MAPK4: variants seen among roughly 807,000 people sequenced by gnomAD.
MAPK4 encodes Erk3-related.
A neutral mutation model predicts 47.7 loss-of-function variants in MAPK4; 22 were observed. The ratio of observed to expected loss-of-function variants is 0.46; its 90% CI spans 0.33 to 0.66. The LOEUF (loss-of-function observed/expected upper bound fraction) is 0.66. Among genes scored for constraint, MAPK4 ranks in the 30% least tolerant of loss-of-function variants. MAPK4 has a pLI of 0.02. For synonymous variants in MAPK4, 390 were observed against 365.7 expected (o/e 1.07, Z -0.76); for missense variants, 736 against 831.7 (o/e 0.88, Z 1.42).
At chr18:50,676,451 A>G (rs1408037121) in intron 2 of MAPK4, among the ~76,000 whole-genome samples, 1 of 152,182 alleles carries the variant, frequency 6.6e-6, no homozygotes, top group African/African-American at 2.4e-5. Context: ...AAATTTTTTC[A>G]TTGTCCACAA....
At chr18:50,601,249 G>A (rs571471963) in intron 1 of MAPK4, among the ~76,000 whole-genome samples, 2 of 149,184 alleles carry the variant, frequency 1.3e-5, no homozygotes, top group Admixed American at 6.8e-5. Context: ...TGGGAAGATC[G>A]CTGGAGCCTG....
intron 2 of MAPK4, among the ~76,000 whole-genome samples, chr18:50,699,274 C>T (rs1041769091): frequency 1.1e-4 from 16 of 152,122 alleles, no homozygotes; most frequent in Non-Finnish European, 2.2e-4. Context: ...TACCAAAAAC[C>T]TTCTGCCGTA....
chr18:50,705,356 C>T (rs1202928517), intron 2 of MAPK4: 2 of 152,298 alleles, frequency 1.3e-5, no homozygotes, highest in African/African-American at 4.8e-5. Context: ...TCGCTGCCTC[C>T]CCTGCTATAG....
intron 2 of MAPK4, among the ~76,000 whole-genome samples, chr18:50,688,621 T>C (rs1909019608): frequency 1.3e-5 from 2 of 152,078 alleles, no homozygotes; most frequent in South Asian, 4.2e-4. Context: ...TTATTCTAAG[T>C]GAAGTAACTC....
intron 2 of MAPK4, among the ~76,000 whole-genome samples, chr18:50,673,487 T>A (rs986003022): frequency 1.3e-5 from 2 of 152,256 alleles, no homozygotes; most frequent in Non-Finnish European, 2.9e-5. Context: ...GCAGGCTTGC[T>A]GGTGACAAAT....
In MAPK4 at chr18:50,702,668, C is replaced by T. The variant is rs532589839; in HGVS notation, c.547-12411C>T. On this transcript the variant is annotated intron_variant, in intron 2 of 5. Coordinates refer to ENST00000400384, the MANE Select transcript of MAPK4 (RefSeq NM_002747.4). ...CTCCCCAAACCAAGATCCACCCTGG[C>T]CCCTTTTCTGTTTCCTTCTTCATAC... 5.9e-4 allele frequency among the ~76,000 whole-genome samples: 90 copies of T among 152,240 alleles called. 1 individual carries two copies. Among genetic ancestry groups the T allele is most frequent in the African/African-American group, 2.0e-3 (83 of 41,550 alleles).
intron 1 of MAPK4, among the ~76,000 whole-genome samples, chr18:50,598,345 A>G (rs992595): frequency 0.41 from 61,916 of 151,174 alleles, 13,558 homozygotes; most frequent in Middle Eastern, 0.49. Context: ...TTCACTAACC[A>G]ACACTACTGG....
At chr18:50,596,042 A>T (rs1222547767) in intron 1 of MAPK4, among the ~76,000 whole-genome samples, 1 of 152,188 alleles carries the variant, frequency 6.6e-6, no homozygotes, top group African/African-American at 2.4e-5. Flanking sequence ...GAAAGGAGTA[A>T]TGCTGTAAAT....
upstream of MAPK4, chr18:50,559,954 G>A (rs1416220228): frequency 3.3e-5 from 5 of 150,388 alleles, no homozygotes; most frequent in Admixed American, 6.6e-5. Context: ...TGCCGCCCCC[G>A]GGCGCCCAGG....
At chr18:50,600,180 G>A (rs1344898646) in intron 1 of MAPK4, among the ~76,000 whole-genome samples, 1 of 152,140 alleles carries the variant, frequency 6.6e-6, no homozygotes, top group Admixed American at 6.5e-5. Flanking sequence ...GAGAACAGTC[G>A]GCGACTTCCA....
intron 1 of MAPK4, among the ~76,000 whole-genome samples, chr18:50,654,184 A>G (rs1360469583): frequency 1.3e-5 from 2 of 152,360 alleles, no homozygotes; most frequent in African/African-American, 2.4e-5. Context: ...CCCTGCAGGT[A>G]GAAAGTAAGT....
At position 50,726,120 on chromosome 18, in the gene MAPK4, G is replaced by C. The variant is rs1023559689; in HGVS notation, c.1012G>C (p.Val338Leu). ...CATTGAGGATGAGATCGACGACATC[G>C]TGCTGATGGCCGCTAACCAGAGCCA... is the stretch of plus-strand genomic sequence containing the variant. ...FRIEDEIDDIVLMAANQSQLS... is the reference protein window; with the variant it reads ...FRIEDEIDDILLMAANQSQLS... The change falls in exon 5 of 6, where the codon GTG (valine) becomes CTG (leucine). Residue 338 changes from valine (V) to leucine (L), a missense_variant. By Grantham distance (32) the Val-to-Leu change is conservative. This residue lies in a region of MAPK4 where 377 missense variants were observed against 378.6 expected (regional missense o/e 1.00). Coordinates refer to ENST00000400384, the MANE Select transcript of MAPK4 (RefSeq NM_002747.4). 2 of 1,614,090 alleles carry C rather than the reference G, an allele frequency of 1.2e-6. No homozygotes were observed. The highest frequency in any genetic ancestry group is 2.2e-5 in the South Asian group (2 of 91,076).
intron 1 of MAPK4, among the ~76,000 whole-genome samples, chr18:50,579,430 C>T (rs760275256): frequency 3.3e-5 from 5 of 152,156 alleles, no homozygotes; most frequent in Non-Finnish European, 7.3e-5. Context: ...TCAAGGGCAA[C>T]TTTGAAGCAG....
intron 1 of MAPK4, among the ~76,000 whole-genome samples, chr18:50,639,864 A>G (rs554069519): frequency 8.5e-5 from 13 of 152,356 alleles, no homozygotes; most frequent in African/African-American, 3.1e-4. Flanking sequence ...TGGGACAGGC[A>G]TCTATCTTGA....
intron 1 of MAPK4, among the ~76,000 whole-genome samples, chr18:50,571,124 A>AG (rs1216704125): frequency 6.6e-6 from 1 of 152,168 alleles, no homozygotes; most frequent in African/African-American, 2.4e-5. Flanking sequence ...GCCCTGTCTT[A>AG]GGGGGAGGTA....
At chr18:50,680,318 C>T (rs1295798895) in intron 2 of MAPK4, among the ~76,000 whole-genome samples, 1 of 151,944 alleles carries the variant, frequency 6.6e-6, no homozygotes, top group African/African-American at 2.4e-5. Context: ...TCTTGAACTC[C>T]TGACCTCAGG....
At chr18:50,649,930 G>A (rs1001312729) in intron 1 of MAPK4, among the ~76,000 whole-genome samples, 11 of 152,210 alleles carry the variant, frequency 7.2e-5, no homozygotes, top group South Asian at 4.1e-4. Flanking sequence ...GCTTTAGTGC[G>A]TCACCATCCA....
chr18:50,583,245 G>A (rs1336313380), intron 1 of MAPK4, among the ~76,000 whole-genome samples: 2 of 152,166 alleles, frequency 1.3e-5, no homozygotes, highest in African/African-American at 2.4e-5. Context: ...TGGTCCATGG[G>A]TGGTCTTTGG....
At chr18:50,624,441 G>A (rs1217677653) in intron 1 of MAPK4, among the ~76,000 whole-genome samples, 1 of 151,232 alleles carries the variant, frequency 6.6e-6, no homozygotes, top group African/African-American at 2.5e-5. Context: ...TGGCGATGCT[G>A]TGGAGCTATT....
Sources: gnomAD v4.1 joint callset for allele counts (sites outside exome capture counted in the v4.1 genomes callset) on GRCh38, gnomAD v4.1.1 for gene constraint, gnomAD v4.1.1 regional missense constraint, MANE v1.5 for transcripts, NCBI Gene and HGNC (gene_info 2026-07-23, HGNC 2026-07-21) for gene names.